Variants in UBAC2 observed in about 807,000 individuals in gnomAD.
UBAC2 encodes the protein UBA domain containing 2.
UBAC2 carries 26 observed loss-of-function variants against 44.0 expected under a neutral mutation model. That is an observed-to-expected ratio of 0.59 (90% confidence interval 0.43 to 0.82). The LOEUF (loss-of-function observed/expected upper bound fraction) is 0.82. Among genes scored for constraint, UBAC2 ranks in the 40% least tolerant of loss-of-function variants. The probability of loss-of-function intolerance (pLI) is 0.00; values close to 1 mark genes in which losing one functional copy is unlikely to be tolerated. For synonymous variants in UBAC2, 155 were observed against 154.3 expected, an observed-to-expected ratio of 1.00 and a Z score of -0.04; for missense variants, 329 against 419.4, an observed-to-expected ratio of 0.78 and a Z score of 1.88.
At chr13:99,242,211 A>G (rs1594037105) in intron 2 of UBAC2, among the ~76,000 whole-genome samples, 1 of 151,460 alleles carries the variant, frequency 6.6e-6, no homozygotes, top group Admixed American at 6.6e-5. Context: ...ATTCCACAAA[A>G]CCGCCATTGT....
chr13:99,310,887 T>C (rs1433668963), intron 4 of UBAC2, among the ~76,000 whole-genome samples: 1 of 152,250 alleles, frequency 6.6e-6, no homozygotes, highest in Non-Finnish European at 1.5e-5. Flanking sequence ...TCCAAGGGCA[T>C]GTTCTGTGGT....
At chr13:99,256,962 G>T (rs1421015490) in intron 4 of UBAC2, among the ~76,000 whole-genome samples, 1 of 152,136 alleles carries the variant, frequency 6.6e-6, no homozygotes, top group African/African-American at 2.4e-5. Flanking sequence ...TTCTCTTTAA[G>T]GAAAACTATG....
At chr13:99,319,647 C>T (rs2044542796) in intron 6 of UBAC2, among the ~76,000 whole-genome samples, 1 of 152,216 alleles carries the variant, frequency 6.6e-6, no homozygotes, top group Non-Finnish European at 1.5e-5. Flanking sequence ...TACCCAGATA[C>T]CTGATTTGGC....
chr13:99,329,943 A>T (rs1472765796), intron 6 of UBAC2, among the ~76,000 whole-genome samples: 1 of 152,220 alleles, frequency 6.6e-6, no homozygotes, highest in Non-Finnish European at 1.5e-5. Context: ...CAGCTACTAC[A>T]ACAATCTTAA....
intron 1 of UBAC2, among the ~76,000 whole-genome samples, chr13:99,230,772 C>T (rs1221871784): frequency 2.0e-5 from 3 of 152,080 alleles, no homozygotes; most frequent in Non-Finnish European, 2.9e-5. Flanking sequence ...TCTTGTGGGC[C>T]GGTTGCAGCG....
intron 4 of UBAC2, among the ~76,000 whole-genome samples, chr13:99,291,425 C>A (rs2044087782): frequency 6.6e-6 from 1 of 152,180 alleles, no homozygotes; most frequent in Admixed American, 6.5e-5. Context: ...TCTCATTCTT[C>A]ACCCAAATAG....
At chr13:99,377,852 C>T (rs921740944) in intron 8 of UBAC2, among the ~76,000 whole-genome samples, 7 of 152,168 alleles carry the variant, frequency 4.6e-5, no homozygotes, top group African/African-American at 1.7e-4. Context: ...TCCCAAACTG[C>T]GAGGAAACAG....
At chr13:99,235,918 T>C (rs1414484795) in intron 1 of UBAC2, among the ~76,000 whole-genome samples, 3 of 152,050 alleles carry the variant, frequency 2.0e-5, no homozygotes, top group Non-Finnish European at 4.4e-5. Context: ...CAGTGAGCTG[T>C]GATCATGCTG....
At chr13:99,290,799 C>A (rs1370490604) in intron 4 of UBAC2, among the ~76,000 whole-genome samples, 1 of 151,372 alleles carries the variant, frequency 6.6e-6, no homozygotes, top group East Asian at 1.9e-4. Context: ...GAGGAGAGCA[C>A]CCAGGTAGGG....
intron 5 of UBAC2, among the ~76,000 whole-genome samples, chr13:99,317,788 G>C (rs2044512588): frequency 6.6e-6 from 1 of 151,970 alleles, no homozygotes; most frequent in South Asian, 2.1e-4. Flanking sequence ...GTGTGGGCCA[G>C]GTTCAACTTG....
intron 8 of UBAC2, among the ~76,000 whole-genome samples, chr13:99,373,173 T>G (rs1593983433): frequency 7.1e-5 from 1 of 14,162 alleles, no homozygotes; most frequent in South Asian, 2.0e-3. Flanking sequence ...TTTTTATTGT[T>G]TTTTTTTTTT....
chr13:99,204,833 G>C lies in UBAC2; in HGVS notation c.31+3894G>C, dbSNP rs115634819. On this transcript the variant is annotated intron_variant, in intron 1 of 8. Coordinates refer to ENST00000403766, the MANE Select transcript of UBAC2 (RefSeq NM_001144072.2). ...GCTTGGAAAGTGCTTTCAAGATCTCGGTTCTGAGAATCAAGAGAGTGAGTT... is the reference window on the plus strand; with the variant it reads ...GCTTGGAAAGTGCTTTCAAGATCTCCGTTCTGAGAATCAAGAGAGTGAGTT... Among the ~76,000 whole-genome samples the C allele has an allele frequency of 5.2e-3, 783 of 151,954 alleles. 11 individuals carry two copies. Among genetic ancestry groups the C allele is most frequent in the African/African-American group, 0.018 (734 of 41,424 alleles).
At chr13:99,317,683 C>T (rs944111009) in intron 5 of UBAC2, among the ~76,000 whole-genome samples, 3 of 152,088 alleles carry the variant, frequency 2.0e-5, no homozygotes, top group Admixed American at 1.3e-4. Context: ...GTTGTTAATT[C>T]TAATAATTTC....
In UBAC2 at chr13:99,229,464, A is replaced by C. The variant is rs183842438; in HGVS notation, c.32-8963A>C. ...CAGCAAAGGCTCCTGAGAACAAAGC[A>C]ATGGATGTTGTGCTGGAGAGGCAGG... On this transcript the variant is annotated intron_variant, in intron 1 of 8. Transcript: ENST00000403766. Among the ~76,000 whole-genome samples the C allele has an allele frequency of 8.5e-5, 13 of 152,358 alleles. No individual in the cohort carries two copies. The East Asian group carries it at 2.5e-3, about 29-fold the overall frequency.
At chr13:99,364,726 G>C (rs2045309023) in intron 7 of UBAC2, among the ~76,000 whole-genome samples, 1 of 152,062 alleles carries the variant, frequency 6.6e-6, no homozygotes, top group Admixed American at 6.5e-5. Flanking sequence ...TGTACTTTTT[G>C]TGTTTATTTT....
chr13:99,345,954 G>T (rs928578702), intron 7 of UBAC2, among the ~76,000 whole-genome samples: 1 of 151,984 alleles, frequency 6.6e-6, no homozygotes, highest in African/African-American at 2.4e-5. Context: ...TGTTGGCCAG[G>T]CTGGTCTTGA....
intron 2 of UBAC2, among the ~76,000 whole-genome samples, chr13:99,241,659 A>G (rs964728842): frequency 1.3e-5 from 2 of 151,424 alleles, no homozygotes; most frequent in Non-Finnish European, 3.0e-5. Context: ...GATAGTGGTG[A>G]TGGGTGTACA....
Position 99,314,218 on chromosome 13 carries a change from C to T in UBAC2, c.511C>T (p.Gln171Ter). The change falls in exon 5 of 9, where the codon CAG becomes TAG. Residue 171 changes from glutamine (Q) to a stop codon, truncating the protein, a stop_gained and splice_region_variant. Coordinates refer to ENST00000403766, the MANE Select transcript of UBAC2 (RefSeq NM_001144072.2). LOFTEE classifies it high-confidence loss of function. ...GACATTGATTTATATATTGGGACTGCAGGTACAGTATGCATTTTTATGTTC... is the reference window on the plus strand; with the variant it reads ...GACATTGATTTATATATTGGGACTGTAGGTACAGTATGCATTTTTATGTTC... ...NKTLIYILGL[Q>*]LFTSGSYIWI... The T allele has an allele frequency of 6.2e-7, 1 of 1,603,624 alleles. No homozygotes were observed. Among genetic ancestry groups the T allele is most frequent in the Non-Finnish European group, 8.5e-7 (1 of 1,176,620 alleles).
chr13:99,350,812 G>A (rs79559909), intron 7 of UBAC2, among the ~76,000 whole-genome samples: 3,331 of 152,366 alleles, frequency 0.022, 80 homozygotes, highest in Non-Finnish European at 0.031. Flanking sequence ...TAGGGGAGCA[G>A]TCTTGTGGGA....
Sources: allele counts gnomAD v4.1 joint callset (sites outside exome capture counted in the v4.1 genomes callset), GRCh38; gene constraint gnomAD v4.1.1; transcripts MANE v1.5; gene names NCBI Gene and HGNC (gene_info 2026-07-23, HGNC 2026-07-21).